KCTD19: variants seen among roughly 807,000 people sequenced by gnomAD.
KCTD19 encodes potassium channel tetramerization domain containing 19.
A neutral mutation model predicts 103.5 loss-of-function variants in KCTD19; 67 were observed. The ratio of observed to expected loss-of-function variants is 0.65; its 90% CI spans 0.53 to 0.79. The LOEUF (loss-of-function observed/expected upper bound fraction) is 0.79. Among genes scored for constraint, KCTD19 ranks in the 30% least tolerant of loss-of-function variants. The pLI is 0.00. For missense variants in KCTD19, 980 were observed against 1,136.1 expected (o/e 0.86, Z 1.98); for synonymous variants, 439 against 452.2 (o/e 0.97, Z 0.37).
chr16:67,314,861 A>AGG (rs1567453794), intron 2 of KCTD19, among the ~76,000 whole-genome samples: 1 of 144,152 alleles, frequency 6.9e-6, no homozygotes, highest in East Asian at 1.9e-4. Flanking sequence ...AGAGAGAGAG[A>AGG]GAGAGAGAGA....
chr16:67,312,492 T>C (rs2036959605), intron 2 of KCTD19, among the ~76,000 whole-genome samples: 1 of 152,176 alleles, frequency 6.6e-6, no homozygotes, highest in African/African-American at 2.4e-5. Flanking sequence ...CATATCAGCT[T>C]TTATGACTCC....
At chr16:67,314,828 T>TAGAG (rs1277866690) in intron 2 of KCTD19, among the ~76,000 whole-genome samples, 36 of 50,360 alleles carry the variant, frequency 7.1e-4, no homozygotes, top group African/African-American at 1.4e-3. Flanking sequence ...TATATATATA[T>TAGAG]ATAGAGAGAG....
chr16:67,305,236 G>A (rs2036879807), intron 2 of KCTD19: 1 of 154,742 alleles, frequency 6.5e-6, no homozygotes, highest in Non-Finnish European at 1.4e-5. Flanking sequence ...TGTTATAATT[G>A]TGATTTGCTA....
At chr16:67,292,131 C>T (rs928215231) in intron 12 of KCTD19, among the ~76,000 whole-genome samples, 5 of 152,248 alleles carry the variant, frequency 3.3e-5, no homozygotes, top group African/African-American at 7.2e-5. Flanking sequence ...TCCCAAAGTG[C>T]TGGGATTACA....
chr16:67,295,391 C>T lies in KCTD19; in HGVS notation c.1263G>A (p.Leu421=). Residue 421 remains leucine (L), a synonymous_variant, in exon 9 of 16, where the codon CTG becomes CTA. Coordinates refer to ENST00000304372, the MANE Select transcript of KCTD19 (RefSeq NM_001100915.3). Reference sequence around the variant, plus strand: ...TCCAGTACACTCTCTGAGGGTTGGACAGCAGTTCTGGATACTGGAGGGGGT... The same window carrying T: ...TCCAGTACACTCTCTGAGGGTTGGATAGCAGTTCTGGATACTGGAGGGGGT... ...LQTLLKYPEL[L]SNPQRVYWIT... 1.2e-6 allele frequency: 2 copies of T among 1,612,866 alleles called. No individual in the cohort carries two copies. Among genetic ancestry groups the T allele is most frequent in the Non-Finnish European group, 1.7e-6 (2 of 1,179,062 alleles).
At chr16:67,318,090 G>T (rs1487101426) in intron 2 of KCTD19, among the ~76,000 whole-genome samples, 1 of 152,170 alleles carries the variant, frequency 6.6e-6, no homozygotes, top group East Asian at 1.9e-4. Flanking sequence ...TTTCACTTGG[G>T]CCAACTCAAA....
At chr16:67,299,671 G>A (rs771094212) in intron 5 of KCTD19, 98 bp from the exon 6 acceptor site, 21 of 936,198 alleles carry the variant, frequency 2.2e-5, no homozygotes, top group Non-Finnish European at 3.1e-5. Context: ...CCATTGTACC[G>A]AGGAGGCTCA....
intron 5 of KCTD19, chr16:67,301,487 G>A (rs2036833483): frequency 4.0e-6 from 1 of 252,578 alleles, no homozygotes; most frequent in Non-Finnish European, 7.6e-6. Flanking sequence ...CTGCCTTCAG[G>A]CCCAGGACAT....
At position 67,301,863 on chromosome 16, in the gene KCTD19, A is replaced by C; in HGVS notation, c.703T>G (p.Leu235Val). The change falls in exon 5 of 16, where the codon TTA (leucine) becomes GTA (valine). Residue 235 changes from leucine (L) to valine (V), a missense_variant. Physicochemically the swap from Leu to Val is conservative, Grantham distance 32 (BLOSUM62 1). Transcript: ENST00000304372. ...TCCAGAATTTCCACTTCTGCTTCTA[A>C]TACATCAATGTTGGAGAAATTATCC... ...LPDNFSNIDV[L>V]EAEVEILEIP... 6.2e-7 allele frequency: 1 copy of C among 1,613,304 alleles called. No individual in the cohort carries two copies. Among genetic ancestry groups the C allele is most frequent in the Non-Finnish European group, 8.5e-7 (1 of 1,179,258 alleles).
chr16:67,321,877 C>T (rs1270506483), intron 1 of KCTD19: 1 of 152,584 alleles, frequency 6.6e-6, no homozygotes, highest in African/African-American at 2.4e-5. Flanking sequence ...GAGGGACGCA[C>T]GTGGAGCGTT....
chr16:67,308,462 G>C (rs2036916952), intron 2 of KCTD19, among the ~76,000 whole-genome samples: 1 of 152,074 alleles, frequency 6.6e-6, no homozygotes, highest in Non-Finnish European at 1.5e-5. Flanking sequence ...ACTGCGCCCA[G>C]CCTAAATTAC....
At chr16:67,307,626 T>C (rs2036908350) in intron 2 of KCTD19, among the ~76,000 whole-genome samples, 1 of 152,064 alleles carries the variant, frequency 6.6e-6, no homozygotes, top group African/African-American at 2.4e-5. Flanking sequence ...GACAGCCAGC[T>C]AAGTTTTAAG....
Position 67,289,477 on chromosome 16 carries a change from T to A in KCTD19, c.*92A>T. ...GTTTATAATAAAAAATAGACTGATA[T>A]GTACCCTCTGATGGGCACATGCATT... On this transcript the variant is annotated 3_prime_UTR_variant, in exon 16 of 16. Transcript: ENST00000304372. The A allele has an allele frequency of 1.4e-6, 1 of 735,292 alleles. No individual in the cohort carries two copies. The highest frequency in any genetic ancestry group is 2.5e-5 in the East Asian group (1 of 39,972). 45.5% of individuals were successfully genotyped at this position (735,292 alleles called of 1,614,324 possible). A position where few individuals can be genotyped will look rare whatever the true frequency, so the allele number is the denominator to read the frequency against.
At chr16:67,306,916 A>T (rs1456040298) in intron 2 of KCTD19, among the ~76,000 whole-genome samples, 2 of 152,148 alleles carry the variant, frequency 1.3e-5, no homozygotes, top group African/African-American at 4.8e-5. Flanking sequence ...CTCTGGTATC[A>T]TCACTCCCTT....
Position 67,291,057 on chromosome 16 carries a change from G to C in KCTD19, c.2566-71C>G, listed in dbSNP as rs371014241. On this transcript the variant is annotated intron_variant, in intron 14 of 15. Coordinates refer to ENST00000304372, the MANE Select transcript of KCTD19 (RefSeq NM_001100915.3). Reference sequence around the variant, plus strand: ...CCCCTCAGAGTGAGATGCAGAGCGGGGACTTCTCTGGGCCCACAGAGCCAC... The same window carrying C: ...CCCCTCAGAGTGAGATGCAGAGCGGCGACTTCTCTGGGCCCACAGAGCCAC... 1,686 of 1,497,068 alleles carry C rather than the reference G, an allele frequency of 1.1e-3. 31 individuals carry two copies. The South Asian group carries it at 0.019, about 17-fold the overall frequency. 92.7% of individuals were successfully genotyped at this position (1,497,068 alleles called of 1,614,324 possible). A position where few individuals can be genotyped will look rare whatever the true frequency, so the allele number is the denominator to read the frequency against.
At chr16:67,325,702 G>A (rs1196500498) in intron 1 of KCTD19, among the ~76,000 whole-genome samples, 1 of 152,148 alleles carries the variant, frequency 6.6e-6, no homozygotes, top group Non-Finnish European at 1.5e-5. Flanking sequence ...GGGCTGGTTA[G>A]TGCAGAGCTA....
chr16:67,314,820 TATATATATATAGAGAGAGAGAGAGAGAG>T (rs1278682035), intron 2 of KCTD19, among the ~76,000 whole-genome samples: 2 of 84,936 alleles, frequency 2.4e-5, no homozygotes, highest in Non-Finnish European at 4.4e-5. Context: ...TATATATATA[TATATATATATAGAGAGAGAGAGAGAGAG>T]AGAGAGAGAG....
chr16:67,315,962 T>TTA (rs1452220058), intron 2 of KCTD19, among the ~76,000 whole-genome samples: 1 of 152,190 alleles, frequency 6.6e-6, no homozygotes, highest in Non-Finnish European at 1.5e-5. Flanking sequence ...CCTGCATGCC[T>TTA]TACCCCTTTG....
intron 1 of KCTD19, among the ~76,000 whole-genome samples, chr16:67,322,455 C>T (rs1327738570): frequency 4.6e-5 from 7 of 152,064 alleles, no homozygotes; most frequent in Admixed American, 1.3e-4. Context: ...CCCGCCACCA[C>T]GCCCGGCTAA....
Sources: gnomAD v4.1 joint callset for allele counts (sites outside exome capture counted in the v4.1 genomes callset) on GRCh38, gnomAD v4.1.1 for gene constraint, MANE v1.5 for transcripts, NCBI Gene and HGNC (gene_info 2026-07-23, HGNC 2026-07-21) for gene names.